Variants in SAMMSON observed in about 807,000 individuals in gnomAD.
SAMMSON encodes the protein long intergenic non-protein coding RNA 1212.
intron 6 of SAMMSON, among the ~76,000 whole-genome samples, chr3:70,281,587 C>T (rs1342596068): frequency 6.6e-6 from 1 of 152,056 alleles, no homozygotes; most frequent in Non-Finnish European, 1.5e-5. Context: ...AAACAAATTG[C>T]TCTAGTTATG....
intron 4 of SAMMSON, among the ~76,000 whole-genome samples, chr3:70,136,997 A>G (rs1413818325): frequency 1.3e-5 from 2 of 152,190 alleles, no homozygotes; most frequent in Non-Finnish European, 2.9e-5. Context: ...TTTTATCACA[A>G]TATTATGAGT....
intron 4 of SAMMSON, among the ~76,000 whole-genome samples, chr3:70,109,051 C>T (rs1266030136): frequency 6.6e-6 from 1 of 152,072 alleles, no homozygotes; most frequent in Non-Finnish European, 1.5e-5. Context: ...GATGCGTGAA[C>T]AAGAGTTTTG....
At chr3:70,044,992 T>G (rs2067118784) in intron 3 of SAMMSON, among the ~76,000 whole-genome samples, 1 of 131,752 alleles carries the variant, frequency 7.6e-6, no homozygotes, top group Non-Finnish European at 1.6e-5. Flanking sequence ...AATACTTTAA[T>G]TATATAATTA....
chr3:70,404,831 C>CA (rs1701166863), intron 2 of SAMMSON, among the ~76,000 whole-genome samples: 1 of 152,048 alleles, frequency 6.6e-6, no homozygotes, highest in Non-Finnish European at 1.5e-5. Context: ...GTTGAGGAGT[C>CA]AGAGCCCAGA....
chr3:70,353,475 A>G (rs1046345452), intron 7 of SAMMSON, among the ~76,000 whole-genome samples: 2 of 152,136 alleles, frequency 1.3e-5, no homozygotes, highest in African/African-American at 4.8e-5. Flanking sequence ...ACAAGAAAAG[A>G]GATGCATTAT....
intron 7 of SAMMSON, among the ~76,000 whole-genome samples, chr3:70,351,012 A>G (rs183809248): frequency 1.5e-3 from 228 of 152,306 alleles, no homozygotes; most frequent in Admixed American, 2.3e-3. Flanking sequence ...CAGTGGTTCT[A>G]TAGTACTCAT....
chr3:70,209,966 C>A (rs1576156055), intron 4 of SAMMSON, among the ~76,000 whole-genome samples: 1 of 152,176 alleles, frequency 6.6e-6, no homozygotes, highest in African/African-American at 2.4e-5. Context: ...GATAACGAGA[C>A]CTTGATGAGT....
At chr3:70,064,884 C>T (rs1306819903) in intron 3 of SAMMSON, among the ~76,000 whole-genome samples, 1 of 151,948 alleles carries the variant, frequency 6.6e-6, no homozygotes, top group Non-Finnish European at 1.5e-5. Flanking sequence ...TTCTCTACCC[C>T]TGAAAAAGTT....
chr3:70,157,223 G>T lies in SAMMSON; in HGVS notation n.507+85658G>T, dbSNP rs186176396. Among the ~76,000 whole-genome samples, 930 of 152,106 alleles carry T rather than the reference G, an allele frequency of 6.1e-3. 5 individuals are homozygous for T. Among genetic ancestry groups the T allele is most frequent in the African/African-American group, 0.02 (813 of 41,528 alleles). Reference sequence around the variant, plus strand: ...CTTGATGCAAATATATGACCATAAAGATTTTATCTAGATTCAGGGAGAGTA... The same window carrying T: ...CTTGATGCAAATATATGACCATAAATATTTTATCTAGATTCAGGGAGAGTA... On this transcript the variant is annotated intron_variant and non_coding_transcript_variant, in intron 4 of 9. Coordinates refer to ENST00000642114, the Ensembl canonical transcript of SAMMSON.
At chr3:70,210,784 G>GAA (rs34863340) in intron 4 of SAMMSON, among the ~76,000 whole-genome samples, 5 of 151,908 alleles carry the variant, frequency 3.3e-5, no homozygotes, top group Middle Eastern at 3.4e-3. Flanking sequence ...ATATTTCTTG[G>GAA]AAAAAAATTA....
At chr3:70,274,235 A>G (rs560812257) in intron 6 of SAMMSON, among the ~76,000 whole-genome samples, 1 of 152,120 alleles carries the variant, frequency 6.6e-6, no homozygotes, top group Admixed American at 6.5e-5. Context: ...ATATGTTTTA[A>G]TACTCTCAGT....
chr3:70,246,815 A>G (rs2106646911), intron 4 of SAMMSON, among the ~76,000 whole-genome samples: 1 of 152,154 alleles, frequency 6.6e-6, no homozygotes, highest in Non-Finnish European at 1.5e-5. Context: ...AACCCAATAG[A>G]CCTTTATTTT....
At chr3:70,332,031 A>G (rs529601236) in intron 7 of SAMMSON, among the ~76,000 whole-genome samples, 2 of 152,350 alleles carry the variant, frequency 1.3e-5, no homozygotes, top group Admixed American at 6.5e-5. Flanking sequence ...TGATCTAAAA[A>G]TGGAAACCGC....
intron 4 of SAMMSON, among the ~76,000 whole-genome samples, chr3:70,144,539 A>G (rs1453425649): frequency 1.3e-5 from 2 of 152,132 alleles, no homozygotes; most frequent in Non-Finnish European, 2.9e-5. Flanking sequence ...AACTTTATCT[A>G]AAATGTCCTC....
intron 6 of SAMMSON, among the ~76,000 whole-genome samples, chr3:70,286,351 C>T (rs1175117456): frequency 6.6e-6 from 1 of 152,062 alleles, no homozygotes; most frequent in Non-Finnish European, 1.5e-5. Flanking sequence ...TCAGGTTTGT[C>T]AAAGATCAGA....
chr3:70,285,401 G>A (rs1027620668), intron 6 of SAMMSON, among the ~76,000 whole-genome samples: 1 of 151,890 alleles, frequency 6.6e-6, no homozygotes, highest in African/African-American at 2.4e-5. Context: ...CAGTTTTTAT[G>A]GCTGCATAGT....
At chr3:70,172,405 C>G (rs1370325528) in intron 4 of SAMMSON, 1 of 151,760 alleles carries the variant, frequency 6.6e-6, no homozygotes, top group Non-Finnish European at 1.5e-5. Flanking sequence ...ATTTTAAGTC[C>G]TTGGAAATTC....
At chr3:70,301,677 A>G (rs1038324029) in intron 7 of SAMMSON, among the ~76,000 whole-genome samples, 2 of 152,220 alleles carry the variant, frequency 1.3e-5, no homozygotes, top group East Asian at 3.9e-4. Context: ...ACAAACGTGA[A>G]GTGTGGAATC....
intron 4 of SAMMSON, among the ~76,000 whole-genome samples, chr3:70,099,662 T>G (rs1007655070): frequency 2.6e-5 from 4 of 152,232 alleles, no homozygotes; most frequent in Non-Finnish European, 4.4e-5. Flanking sequence ...CTTTGTTGCC[T>G]TCAGTTTGGC....
Sources: allele counts gnomAD v4.1 joint callset (sites outside exome capture counted in the v4.1 genomes callset), GRCh38; gene constraint gnomAD v4.1.1; transcripts MANE v1.5; gene names NCBI Gene and HGNC (gene_info 2026-07-23, HGNC 2026-07-21).